Variants in SLC7A6 observed in about 807,000 individuals in gnomAD.
SLC7A6 encodes solute carrier family 7 member 6, also known as Y+L amino acid transporter 2.
In SLC7A6, 29 loss-of-function variants were observed where a neutral mutation model predicts 46.6. That is an observed-to-expected ratio of 0.62 (90% CI 0.46 to 0.85). SLC7A6 has a LOEUF of 0.85. SLC7A6 is among the 40% of genes least tolerant of loss of function. The pLI is 0.00. For synonymous variants in SLC7A6, 276 were observed against 257.3 expected (o/e 1.07, Z -0.70); for missense variants, 527 against 647.6 (o/e 0.81, Z 2.02).
intron 7 of SLC7A6, chr16:68,291,875 G>A (rs2043061737): frequency 1.8e-6 from 1 of 546,500 alleles, no homozygotes; most frequent in Non-Finnish European, 3.3e-6. Flanking sequence ...TCCATCTGAG[G>A]TGAGGACAGA....
Position 68,290,536 on chromosome 16 carries a change from G to A in SLC7A6, c.790G>A (p.Glu264Lys), listed in dbSNP as rs765068796. Residue 264 changes from glutamate (E) to lysine (K), a missense_variant, in exon 5 of 11, where the codon GAA becomes AAA. Glu to Lys is a moderately conservative substitution (Grantham distance 56, BLOSUM62 1). Coordinates refer to ENST00000219343, the MANE Select transcript of SLC7A6 (RefSeq NM_003983.6). ...NFVTEEIKNP[E>K]RNLPLAIGIS... Reference sequence around the variant, plus strand: ...TGTAACAGAAGAAATCAAAAACCCAGAAAGGTAAAGATGGGATCACACTCT... The same window carrying A: ...TGTAACAGAAGAAATCAAAAACCCAAAAAGGTAAAGATGGGATCACACTCT... 6.2e-7 allele frequency: 1 copy of A among 1,614,130 alleles called. No individual in the cohort carries two copies. The highest frequency in any genetic ancestry group is 2.2e-5 in the East Asian group (1 of 44,882).
Position 68,296,759 on chromosome 16 carries a change from G to A in SLC7A6, c.1402G>A (p.Gly468Ser). 1 of 1,614,146 alleles carries A rather than the reference G, an allele frequency of 6.2e-7. No homozygotes were observed. The highest frequency in any genetic ancestry group is 8.5e-7 in the Non-Finnish European group (1 of 1,180,044). Residue 468 changes from glycine to serine, a missense_variant, in exon 10 of 11, where the codon GGT becomes AGT. Gly to Ser is a moderately conservative substitution (Grantham distance 56). Transcript: ENST00000219343. ...ALSGVPFYFMGVYLPESRRPL... is the reference protein window; with the variant it reads ...ALSGVPFYFMSVYLPESRRPL... ...TTCTGGAGTCCCTTTCTACTTCATG[G>A]GTGTTTACCTGCCAGAGTCCCGGAG...
At chr16:68,291,040 G>C in intron 5 of SLC7A6, 169 bp from the exon 6 acceptor site, 2 of 747,860 alleles carry the variant, frequency 2.7e-6, no homozygotes, top group South Asian at 3.3e-5. Context: ...GAGAAAGTTG[G>C]GTCTTTCTCA....
At chr16:68,271,075 C>T (rs1789352571) in intron 2 of SLC7A6, among the ~76,000 whole-genome samples, 1 of 152,120 alleles carries the variant, frequency 6.6e-6, no homozygotes, top group Non-Finnish European at 1.5e-5. Context: ...GTCTCGGACT[C>T]CTGGGCTCAA....
intron 8 of SLC7A6, among the ~76,000 whole-genome samples, chr16:68,296,086 G>T (rs2043158785): frequency 6.6e-6 from 1 of 152,128 alleles, no homozygotes. Context: ...AGTGAGGAGG[G>T]CCTCAGCGTC....
At position 68,291,224 on chromosome 16, in the gene SLC7A6, C is replaced by T; in HGVS notation, c.810C>T (p.Ala270=). 6.2e-7 allele frequency: 1 copy of T among 1,614,214 alleles called. No individual in the cohort carries two copies. The change falls in exon 6 of 11, where the codon GCC becomes GCT. Residue 270 remains alanine, a synonymous_variant. Coordinates refer to ENST00000219343, the MANE Select transcript of SLC7A6 (RefSeq NM_003983.6). ...GTCCTGACAGAAATTTGCCCTTGGC[C>T]ATTGGGATTTCTATGCCAATTGTGA... The part of the protein sequence containing the change: ...IKNPERNLPL[A]IGISMPIVTL...
chr16:68,294,844 T>C (rs1305483192), intron 8 of SLC7A6, 43 bp downstream of exon 8: 3 of 1,330,800 alleles, frequency 2.3e-6, no homozygotes, highest in Non-Finnish European at 2.2e-6. Flanking sequence ...GATCTGTGCA[T>C]TGCTCCTTCT....
chr16:68,279,170 T>A (rs1402888143), intron 3 of SLC7A6, among the ~76,000 whole-genome samples: 2 of 144,956 alleles, frequency 1.4e-5, no homozygotes, highest in African/African-American at 2.6e-5. Flanking sequence ...ACCCCACCTC[T>A]AAAAAAAAAA....
At chr16:68,287,103 G>C (rs947061183) in intron 3 of SLC7A6, among the ~76,000 whole-genome samples, 4 of 151,050 alleles carry the variant, frequency 2.6e-5, no homozygotes, top group Non-Finnish European at 4.4e-5. Flanking sequence ...TCAGCCTCCT[G>C]AGTAGCTGGG....
intron 3 of SLC7A6, among the ~76,000 whole-genome samples, chr16:68,278,878 A>T (rs1273154907): frequency 1.3e-5 from 2 of 151,904 alleles, no homozygotes; most frequent in Non-Finnish European, 2.9e-5. Flanking sequence ...CACTTCCCAG[A>T]AGGGGCGGCC....
At position 68,296,627 on chromosome 16, in the gene SLC7A6, C is replaced by G; in HGVS notation, c.1270C>G (p.Leu424Val). ...KEPKRPRPLKLSVFFPIVFCI... is the reference protein window; with the variant it reads ...KEPKRPRPLKVSVFFPIVFCI... ...TAATCTCTCACCCCCTCTATTTCAG[C>G]TGAGCGTGTTTTTCCCCATCGTGTT... Residue 424 changes from leucine to valine, a missense_variant and splice_region_variant, in exon 10 of 11, where the codon CTG (leucine) becomes GTG (valine). Physicochemically the swap from Leu to Val is conservative, Grantham distance 32. Coordinates refer to ENST00000219343, the MANE Select transcript of SLC7A6 (RefSeq NM_003983.6). 1 of 1,614,180 alleles carries G rather than the reference C, an allele frequency of 6.2e-7. No homozygotes were observed. Among genetic ancestry groups the G allele is most frequent in the Non-Finnish European group, 8.5e-7 (1 of 1,180,010 alleles).
intron 3 of SLC7A6, chr16:68,284,680 TC>T: frequency 1.0e-6 from 1 of 984,086 alleles, no homozygotes; most frequent in Non-Finnish European, 1.2e-6. Context: ...TGTATCAGCT[TC>T]TCTTCCCCTT....
intron 3 of SLC7A6, among the ~76,000 whole-genome samples, chr16:68,277,972 C>T (rs933323585): frequency 6.7e-6 from 1 of 149,834 alleles, no homozygotes; most frequent in Non-Finnish European, 1.5e-5. Flanking sequence ...CCGAGTCTTG[C>T]TCTGTCGCCT....
chr16:68,292,433 C>T (rs2043076522), intron 7 of SLC7A6: 1 of 152,232 alleles, frequency 6.6e-6, no homozygotes, highest in South Asian at 2.1e-4. Context: ...GGAGCCAGCT[C>T]TCCAATAGCT....
At position 68,294,888 on chromosome 16, in the gene SLC7A6, T is replaced by C. The variant is rs972139584; in HGVS notation, c.1119+87T>C. The stretch of plus-strand genomic sequence containing the variant: ...CTAAGTTGTTAAATAAGAGGGACCC[T>C]GAGAAAGGCCTTACTCTAAGATGTG... On this transcript the variant is annotated intron_variant, in intron 8 of 10. Coordinates refer to ENST00000219343, the MANE Select transcript of SLC7A6 (RefSeq NM_003983.6). 6 of 847,172 alleles carry C rather than the reference T, an allele frequency of 7.1e-6. No individual in the cohort carries two copies. In the African/African-American group the frequency reaches 8.5e-5, roughly 12 times the overall value. 52.5% of individuals were successfully genotyped at this position (847,172 alleles called of 1,614,324 possible). A position where few individuals can be genotyped will look rare whatever the true frequency, so the allele number is the denominator to read the frequency against.
rs1329158255 is a variant in SLC7A6 at position 68,298,514 on chromosome 16, C to G, written c.*1186C>G. 1.3e-5 allele frequency: 2 copies of G among 152,278 alleles called. No individual in the cohort carries two copies. Among genetic ancestry groups the G allele is most frequent in the Non-Finnish European group, 2.9e-5 (2 of 68,074 alleles). The allele number at this position is 152,278 out of a possible 1,614,324, so 9.4% of individuals were successfully genotyped here. ...AGGCTTTGTTTACACTTGGAGCCAC[C>G]TTGGTGTGGGTCACCGGGACAGTGT... On this transcript the variant is annotated 3_prime_UTR_variant, in exon 11 of 11. Transcript: ENST00000219343.
intron 3 of SLC7A6, among the ~76,000 whole-genome samples, chr16:68,277,162 C>T (rs2042727415): frequency 1.3e-5 from 2 of 151,384 alleles, no homozygotes; most frequent in East Asian, 2.0e-4. Context: ...TCTCAGCTCA[C>T]TGCAACCTCT....
In SLC7A6 at chr16:68,264,895, G is replaced by A. The variant is rs187980215; in HGVS notation, c.-166+319G>A. Among the ~76,000 whole-genome samples, 1 of 152,268 alleles carries A rather than the reference G, an allele frequency of 6.6e-6. No homozygotes were observed. The highest frequency in any genetic ancestry group is 2.4e-5 in the African/African-American group (1 of 41,566). On this transcript the variant is annotated intron_variant, in intron 1 of 10. Coordinates refer to ENST00000219343, the MANE Select transcript of SLC7A6 (RefSeq NM_003983.6). The surrounding 1 kb of genome is among the most constrained non-coding windows in gnomAD (Gnocchi z 5.8). ...CGACGCGGCGAGTGTGAGGGAGACCGGGGGTGTGTGTGGAGAGGGAAACCC... is the reference window on the plus strand; with the variant it reads ...CGACGCGGCGAGTGTGAGGGAGACCAGGGGTGTGTGTGGAGAGGGAAACCC...
Position 68,301,583 on chromosome 16 carries a change from A to T in SLC7A6, c.*4255A>T. 1 of 496,102 alleles carries T rather than the reference A, an allele frequency of 2.0e-6. No homozygotes were observed. The highest frequency in any genetic ancestry group is 2.0e-5 in the African/African-American group (1 of 50,770). 30.7% of individuals were successfully genotyped at this position (496,102 alleles called of 1,614,324 possible). A position where few individuals can be genotyped will look rare whatever the true frequency, so the allele number is the denominator to read the frequency against. ...TTAAAGAAGGAATCACTTTCCTATC[A>T]TCTAAACCAAGTTCCTTCACACTGG... On this transcript the variant is annotated 3_prime_UTR_variant, in exon 11 of 11. Transcript: ENST00000219343.
Sources: gnomAD v4.1 joint callset for allele counts (sites outside exome capture counted in the v4.1 genomes callset) on GRCh38, gnomAD v4.1.1 for gene constraint, Gnocchi (gnomAD v3.1) non-coding constraint, MANE v1.5 for transcripts, NCBI Gene and HGNC (gene_info 2026-07-23, HGNC 2026-07-21) for gene names.